TECR: variants seen among roughly 807,000 people sequenced by gnomAD.
TECR encodes the protein trans-2,3-enoyl-CoA reductase.
Under a neutral mutation model 50.6 loss-of-function variants are expected in TECR, and 19 were observed. That is an observed-to-expected ratio of 0.38 (90% CI 0.26 to 0.55). TECR has a LOEUF of 0.55. Among genes scored for constraint, TECR ranks in the 20% least tolerant of loss-of-function variants. TECR has a pLI of 0.79. For missense variants in TECR, 313 were observed against 408.3 expected (o/e 0.77, Z 2.01); for synonymous variants, 168 against 163.5 (o/e 1.03, Z -0.21).
At chr19:14,539,483 G>A (rs1394692374) in intron 1 of TECR, among the ~76,000 whole-genome samples, 2 of 152,036 alleles carry the variant, frequency 1.3e-5, no homozygotes, top group African/African-American at 4.8e-5. Context: ...CACTGCTTCT[G>A]TTCCTGCTCC....
At chr19:14,564,624 C>G in intron 7 of TECR, 162 bp from the exon 8 acceptor site, 1 of 709,182 alleles carries the variant, frequency 1.4e-6, no homozygotes, top group Non-Finnish European at 2.4e-6. Flanking sequence ...CAGAGCCCTG[C>G]CCTAGCCTCA....
chr19:14,557,950 T>C (rs2146619150), intron 1 of TECR, among the ~76,000 whole-genome samples: 1 of 151,776 alleles, frequency 6.6e-6, no homozygotes, highest in African/African-American at 2.4e-5. Flanking sequence ...AGAGATGGGG[T>C]TTCACCGTGT....
chr19:14,534,367 G>T (rs1041184193), intron 1 of TECR, among the ~76,000 whole-genome samples: 3 of 136,688 alleles, frequency 2.2e-5, no homozygotes, highest in East Asian at 4.4e-4. Flanking sequence ...CTTATGATCC[G>T]CCCGCCTCGG....
At chr19:14,527,993 C>T (rs1302199918), upstream of TECR, among the ~76,000 whole-genome samples, 9 of 151,706 alleles carry the variant, frequency 5.9e-5, no homozygotes, top group Admixed American at 2.6e-4. Flanking sequence ...CGGGTTCAAG[C>T]GATTCTCAGC....
chr19:14,549,916 C>G (rs2073436353), intron 1 of TECR, among the ~76,000 whole-genome samples: 2 of 151,752 alleles, frequency 1.3e-5, no homozygotes, highest in Admixed American at 1.3e-4. Flanking sequence ...GCGCTCCAGC[C>G]TGGGCAACAC....
chr19:14,538,484 G>C (rs1305734960), intron 1 of TECR, among the ~76,000 whole-genome samples: 1 of 151,964 alleles, frequency 6.6e-6, no homozygotes, highest in Non-Finnish European at 1.5e-5. Flanking sequence ...AGGGCTGCCT[G>C]AGATGCTTTT....
chr19:14,550,750 A>G (rs2073471488), intron 1 of TECR, among the ~76,000 whole-genome samples: 1 of 152,046 alleles, frequency 6.6e-6, no homozygotes, highest in Non-Finnish European at 1.5e-5. Context: ...GCGTGATCTC[A>G]GCTCACTGCA....
intron 1 of TECR, among the ~76,000 whole-genome samples, chr19:14,547,319 C>T (rs930374042): frequency 6.6e-6 from 1 of 151,990 alleles, no homozygotes; most frequent in Non-Finnish European, 1.5e-5. Context: ...ATATTAGTTA[C>T]AGGCGTGAGC....
At chr19:14,553,404 T>TCC (rs150894804) in intron 1 of TECR, among the ~76,000 whole-genome samples, 1,866 of 152,130 alleles carry the variant, frequency 0.012, 32 homozygotes, top group African/African-American at 0.043. Context: ...CAGCCCTTCC[T>TCC]CCCCACCCTG....
intron 11 of TECR, 126 bp from the exon 12 acceptor site, chr19:14,565,492 G>A (rs967008014): frequency 2.1e-6 from 3 of 1,459,844 alleles, no homozygotes; most frequent in Non-Finnish European, 2.8e-6. Flanking sequence ...CCCCGCCTCC[G>A]CTGGAATTGG....
intron 1 of TECR, chr19:14,545,781 C>T (rs1217464729): frequency 2.0e-5 from 3 of 153,242 alleles, no homozygotes; most frequent in African/African-American, 7.2e-5. Flanking sequence ...ACAAGTACAT[C>T]CCTGCTGTGC....
At chr19:14,565,173 T>C (rs1283244616) in intron 10 of TECR, 29 bp from the exon 11 acceptor site, 1 of 1,613,826 alleles carries the variant, frequency 6.2e-7, no homozygotes, top group South Asian at 1.1e-5. Context: ...TGAGGGGGTC[T>C]GACTTTCTCC....
chr19:14,545,276 C>T, intron 1 of TECR: 1 of 451,612 alleles, frequency 2.2e-6, no homozygotes, highest in Non-Finnish European at 4.5e-6. Flanking sequence ...GTGTCACCCG[C>T]TTCCCCAAAG....
Position 14,563,216 on chromosome 19 carries a change from A to C in TECR, c.77A>C (p.His26Pro), listed in dbSNP as rs1462233750. 6.2e-7 allele frequency: 1 copy of C among 1,612,488 alleles called. No individual in the cohort carries two copies. The highest frequency in any genetic ancestry group is 2.2e-5 in the East Asian group (1 of 44,740). ...KLCFLDKVEPHATIAEIKNLF... is the reference protein window; with the variant it reads ...KLCFLDKVEPPATIAEIKNLF... ...CTGTGCTTCCCCCAGGTGGAGCCCC[A>C]CGCCACCATTGCGGAGATCAAGAAC... is the stretch of plus-strand genomic sequence containing the variant. Residue 26 changes from histidine to proline, a missense_variant, in exon 3 of 13, where the codon CAC becomes CCC. Coordinates refer to ENST00000215567, the MANE Select transcript of TECR (RefSeq NM_138501.6). This position sits in a 1 kb window ranked among gnomAD's most constrained non-coding sequence, Gnocchi z 5.3.
chr19:14,534,126 C>T (rs548289478), intron 1 of TECR: 2 of 151,138 alleles, frequency 1.3e-5, no homozygotes, highest in African/African-American at 2.4e-5. Context: ...AGGGTGTTTT[C>T]TTTCTTTTTT....
In TECR at chr19:14,564,194, C is replaced by G. The variant is rs1599502275; in HGVS notation, c.396C>G (p.Ile132Met). The change falls in exon 7 of 13, where the codon ATC (isoleucine) becomes ATG (methionine). Residue 132 changes from isoleucine (I) to methionine (M), a missense_variant. By Grantham distance (10) the Ile-to-Met change is conservative (BLOSUM62 1). Coordinates refer to ENST00000215567, the MANE Select transcript of TECR (RefSeq NM_138501.6). ...SRHTVVHLAC[I>M]CHSFHYIKRL... The stretch of plus-strand genomic sequence containing the variant: ...TCCCCCCGACCAGCCTCGCCTGCAT[C>G]TGTCACTCATTCCACTACATCAAGC... The G allele has an allele frequency of 6.2e-7, 1 of 1,607,858 alleles. No individual in the cohort carries two copies. The highest frequency in any genetic ancestry group is 8.5e-7 in the Non-Finnish European group (1 of 1,179,852).
rs764495966 is a variant in TECR at position 14,563,222 on chromosome 19, C to T, written c.83C>T (p.Thr28Ile). 1.9e-6 allele frequency: 3 copies of T among 1,613,774 alleles called. No homozygotes were observed. Among genetic ancestry groups the T allele is most frequent in the Admixed American group, 1.7e-5 (1 of 59,988 alleles). Residue 28 changes from threonine to isoleucine, a missense_variant, in exon 3 of 13, where the codon ACC becomes ATC. Thr to Ile is a moderately conservative substitution (Grantham distance 89, BLOSUM62 -1). Coordinates refer to ENST00000215567, the MANE Select transcript of TECR (RefSeq NM_138501.6). The surrounding 1 kb of genome is among the most constrained non-coding windows in gnomAD (Gnocchi z 5.3). Reference sequence around the variant, plus strand: ...TTCCCCCAGGTGGAGCCCCACGCCACCATTGCGGAGATCAAGAACCTCTTC... The same window carrying T: ...TTCCCCCAGGTGGAGCCCCACGCCATCATTGCGGAGATCAAGAACCTCTTC... ...CFLDKVEPHA[T>I]IAEIKNLFTK...
At chr19:14,560,319 G>A (rs886771367) in intron 1 of TECR, among the ~76,000 whole-genome samples, 1 of 152,180 alleles carries the variant, frequency 6.6e-6, no homozygotes. Flanking sequence ...GCAGGAACTC[G>A]GAGGCCTTCT....
At chr19:14,542,349 T>TTTTTTTTTG (rs2073127863) in intron 1 of TECR, among the ~76,000 whole-genome samples, 2 of 44,486 alleles carry the variant, frequency 4.5e-5, no homozygotes, top group Non-Finnish European at 9.1e-5. Flanking sequence ...GCCATAGTGT[T>TTTTTTTTTG]TTTTTTTTTT....
Sources: allele counts gnomAD v4.1 joint callset (sites outside exome capture counted in the v4.1 genomes callset), GRCh38; gene constraint gnomAD v4.1.1; non-coding constraint Gnocchi (gnomAD v3.1); transcripts MANE v1.5; gene names NCBI Gene and HGNC (gene_info 2026-07-23, HGNC 2026-07-21).